The following PREX1 variants were observed in gnomAD, a reference collection of about 807,000 sequenced individuals.
PREX1 encodes the protein phosphatidylinositol-3,4,5-trisphosphate dependent Rac exchange factor 1.
Under a neutral mutation model 198.3 loss-of-function variants are expected in PREX1, and 41 were observed. The observed-to-expected ratio is 0.21, with a 90% CI of 0.16 to 0.27. The LOEUF (loss-of-function observed/expected upper bound fraction) is 0.27, where lower values mean the gene tolerates loss of function less well. Ranked by LOEUF, PREX1 falls within the 10% of genes least tolerant of loss-of-function variation. PREX1 has a pLI of 1.00. For missense variants in PREX1, 1,620 were observed against 2,200.7 expected (o/e 0.74, Z 5.28); for synonymous variants, 843 against 887.2 (o/e 0.95, Z 0.89).
chr20:48,867,870 C>CTT, the PREX1 span, among the ~76,000 whole-genome samples: 2 of 142,244 alleles, frequency 1.4e-5, no homozygotes, highest in Admixed American at 7.1e-5. Context: ...CCATCTTAAC[C>CTT]TTTTTTTTTT....
At chr20:48,837,239 T>C in the PREX1 span, among the ~76,000 whole-genome samples, 46,229 of 152,130 alleles carry the variant, frequency 0.3, 7,211 homozygotes, top group Non-Finnish European at 0.33. Flanking sequence ...TAAATTAGTT[T>C]AACCACTGTG....
At chr20:48,887,878 A>G in the PREX1 span, among the ~76,000 whole-genome samples, 13 of 151,776 alleles carry the variant, frequency 8.6e-5, no homozygotes, top group Non-Finnish European at 1.5e-4. Context: ...TAAACCCGGG[A>G]GGCGGAGCTT....
the PREX1 span, among the ~76,000 whole-genome samples, chr20:48,853,462 T>C: frequency 6.6e-6 from 1 of 152,016 alleles, no homozygotes; most frequent in Non-Finnish European, 1.5e-5. Context: ...TATGCAACCA[T>C]CAGATCTCAG....
Position 48,642,454 on chromosome 20 carries a change from C to G in PREX1, c.3637G>C (p.Asp1213His). 1 of 1,613,704 alleles carries G rather than the reference C, an allele frequency of 6.2e-7. No homozygotes were observed. Among genetic ancestry groups the G allele is most frequent in the East Asian group, 2.2e-5 (1 of 44,858 alleles). The change falls in exon 28 of 40, where the codon GAC (aspartate) becomes CAC (histidine). Residue 1213 changes from aspartate (D) to histidine (H), a missense_variant. Physicochemically the swap from Asp to His is moderately conservative, Grantham distance 81 (BLOSUM62 -1). Around this residue, in one of 7 missense-constraint regions of PREX1, gnomAD observed 476 missense variants for 603.4 expected, o/e 0.79. Transcript: ENST00000371941. ...ELPCDMRIPS[D>H]KQDKLHGCLE... The stretch of plus-strand genomic sequence containing the variant: ...CAGCCATGAAGCTTGTCCTGCTTGT[C>G]AGATGGGATCCGCATGTCACAGGGC...
chr20:48,685,599 C>T (rs2089779293), intron 10 of PREX1, among the ~76,000 whole-genome samples: 1 of 152,180 alleles, frequency 6.6e-6, no homozygotes, highest in South Asian at 2.1e-4. Context: ...GACTTGAGTC[C>T]AAGTCTAACT....
At chr20:48,637,875 TGG>T in intron 30 of PREX1, 123 bp from the exon 31 acceptor site, 1 of 799,618 alleles carries the variant, frequency 1.3e-6, no homozygotes, top group Non-Finnish European at 2.0e-6. Flanking sequence ...AGCAAAGCCC[TGG>T]CACCCAAGGC....
intron 17 of PREX1, 22 bp downstream of exon 17, chr20:48,658,114 C>A: frequency 6.2e-7 from 1 of 1,607,280 alleles, no homozygotes; most frequent in South Asian, 1.1e-5. Flanking sequence ...ACGGTCCCTG[C>A]CAGCTCCCCC....
At chr20:48,730,433 ACACACACACACACACG>A (rs1237539178) in intron 4 of PREX1, among the ~76,000 whole-genome samples, 1 of 151,666 alleles carries the variant, frequency 6.6e-6, no homozygotes, top group African/African-American at 2.4e-5. Flanking sequence ...ACACACACAC[ACACACACACACACACG>A]CACATCCTGA....
the PREX1 span, among the ~76,000 whole-genome samples, chr20:48,881,918 AC>A: frequency 2.2e-5 from 2 of 91,176 alleles, no homozygotes; most frequent in African/African-American, 8.5e-5. Flanking sequence ...TCCTTTCCCC[AC>A]CCCCACCCCC....
chr20:48,877,427 T>G, the PREX1 span, among the ~76,000 whole-genome samples: 2 of 152,212 alleles, frequency 1.3e-5, no homozygotes, highest in Non-Finnish European at 2.9e-5. Flanking sequence ...TTCTGCACTC[T>G]TTGTGCCAGC....
chr20:48,786,841 A>AAAG (rs2090314896), intron 1 of PREX1, among the ~76,000 whole-genome samples: 1 of 149,638 alleles, frequency 6.7e-6, no homozygotes, highest in Non-Finnish European at 1.5e-5. Context: ...GAAAGAAAGA[A>AAAG]AAAGAGAGAG....
chr20:48,719,384 C>T (rs778033957), intron 5 of PREX1, among the ~76,000 whole-genome samples: 4 of 152,026 alleles, frequency 2.6e-5, no homozygotes, highest in Admixed American at 6.5e-5. Context: ...CAGGCTGACA[C>T]AGGTTGAGTC....
chr20:48,658,016 G>T, intron 17 of PREX1, 120 bp downstream of exon 17: 2 of 982,110 alleles, frequency 2.0e-6, no homozygotes, highest in East Asian at 4.9e-5. Context: ...AGCAATGAGA[G>T]AAGAGGAGTC....
At chr20:48,683,172 GTTT>G (rs2089763223) in intron 10 of PREX1, among the ~76,000 whole-genome samples, 1 of 152,360 alleles carries the variant, frequency 6.6e-6, no homozygotes, top group African/African-American at 2.4e-5. Flanking sequence ...GGGAACAGAT[GTTT>G]GAGTGCCCAC....
At chr20:48,645,517 G>A (rs1025790781) in intron 26 of PREX1, among the ~76,000 whole-genome samples, 19 of 152,144 alleles carry the variant, frequency 1.2e-4, no homozygotes, top group Admixed American at 5.9e-4. Context: ...TTCAGAAACC[G>A]TATGTCTTAC....
chr20:48,875,180 T>G, the PREX1 span, among the ~76,000 whole-genome samples: 1 of 152,158 alleles, frequency 6.6e-6, no homozygotes, highest in Admixed American at 6.5e-5. Flanking sequence ...GGGGCTTCAT[T>G]CAGACTGGGT....
the PREX1 span, among the ~76,000 whole-genome samples, chr20:48,874,252 T>A: frequency 1.3e-5 from 2 of 152,128 alleles, no homozygotes. Flanking sequence ...CCCACGACTT[T>A]CCAAAAATTC....
rs2089775034 is a variant in PREX1 at position 48,684,844 on chromosome 20, C to A, written c.1335-3509G>T. Among the ~76,000 whole-genome samples, 1 of 152,236 alleles carries A rather than the reference C, an allele frequency of 6.6e-6. No individual in the cohort carries two copies. The highest frequency in any genetic ancestry group is 2.1e-4 in the South Asian group (1 of 4,828). On this transcript the variant is annotated intron_variant, in intron 10 of 39. Coordinates refer to ENST00000371941, the MANE Select transcript of PREX1 (RefSeq NM_020820.4). This position sits in a 1 kb window ranked among gnomAD's most constrained non-coding sequence, Gnocchi z 4.2. ...GCCACAATGGCCTCCTCCTGTTCCA[C>A]CATCACTCAAAGCTCACTGCAGCCT...
At chr20:48,656,940 C>G (rs2122923517) in intron 18 of PREX1, 100 bp downstream of exon 18, 12 of 1,405,940 alleles carry the variant, frequency 8.5e-6, no homozygotes, top group Non-Finnish European at 1.1e-5. Context: ...ACAATGGGTC[C>G]CAGCCACGGG....
Sources: gnomAD v4.1 joint callset for allele counts (sites outside exome capture counted in the v4.1 genomes callset) on GRCh38, gnomAD v4.1.1 for gene constraint, gnomAD v4.1.1 regional missense constraint, Gnocchi (gnomAD v3.1) non-coding constraint, MANE v1.5 for transcripts, NCBI Gene and HGNC (gene_info 2026-07-23, HGNC 2026-07-21) for gene names.